ATP10B: variants seen among roughly 807,000 people sequenced by gnomAD.
ATP10B encodes the protein ATPase phospholipid transporting 10B (putative).
ATP10B carries 122 observed loss-of-function variants against 141.2 expected under a neutral mutation model. The ratio of observed to expected loss-of-function variants is 0.86; its 90% CI spans 0.75 to 1.00. The LOEUF is 1.00. ATP10B is among the 50% of genes least tolerant of loss of function. The pLI, the probability that ATP10B is intolerant of heterozygous loss-of-function variation, is 0.00. For missense variants in ATP10B, 1,876 were observed against 1,825.3 expected (o/e 1.03, Z -0.51); for synonymous variants, 685 against 692.0 (o/e 0.99, Z 0.16).
At chr5:160,678,590 GA>G (rs1763184218) in intron 6 of ATP10B, among the ~76,000 whole-genome samples, 1 of 152,194 alleles carries the variant, frequency 6.6e-6, no homozygotes, top group South Asian at 2.1e-4. Flanking sequence ...CCGGGAGGCA[GA>G]GGTTGCAGTG....
At chr5:160,844,053 A>T (rs1413674914) in intron 1 of ATP10B, among the ~76,000 whole-genome samples, 1 of 152,192 alleles carries the variant, frequency 6.6e-6, no homozygotes, top group Non-Finnish European at 1.5e-5. Context: ...ATAACTTCAA[A>T]TATTAAGGGT....
intron 3 of ATP10B, among the ~76,000 whole-genome samples, chr5:160,698,216 C>T (rs1197924415): frequency 6.6e-6 from 1 of 152,104 alleles, no homozygotes; most frequent in Non-Finnish European, 1.5e-5. Context: ...TACCCATTTC[C>T]GTGAATAGCA....
chr5:160,654,099 C>T (rs562188087), intron 7 of ATP10B, among the ~76,000 whole-genome samples: 2 of 145,706 alleles, frequency 1.4e-5, no homozygotes, highest in Middle Eastern at 4.0e-3. Flanking sequence ...GTTGTATATA[C>T]GTATATACAT....
In ATP10B at chr5:160,569,571, A is replaced by G. The variant is rs1754749144; in HGVS notation, c.3863T>C (p.Val1288Ala). The G allele has an allele frequency of 6.2e-7, 1 of 1,613,912 alleles. No individual in the cohort carries two copies. ...GGGGTTTGAGAGCTGGCCTTCCATC[A>G]CCCAATAGGGATTGGTGGGGCTGTT... ...ICNSPTNPYW[V>A]MEGQLSNPTF... Residue 1288 changes from valine to alanine, a missense_variant, in exon 25 of 26, where the codon GTG becomes GCG. Transcript: ENST00000327245.
intron 13 of ATP10B, among the ~76,000 whole-genome samples, chr5:160,628,506 A>C (rs1387085729): frequency 6.6e-6 from 1 of 152,208 alleles, no homozygotes; most frequent in East Asian, 1.9e-4. Flanking sequence ...CTTCCAAAGA[A>C]AGAAAGGCAG....
chr5:160,649,074 A>G, intron 8 of ATP10B, 97 bp downstream of exon 8: 1 of 769,600 alleles, frequency 1.3e-6, no homozygotes, highest in South Asian at 2.1e-5. Context: ...AAAATTCCTC[A>G]GGATGAAGAT....
intron 2 of ATP10B, among the ~76,000 whole-genome samples, chr5:160,738,152 A>G (rs546126510): frequency 6.6e-6 from 1 of 152,256 alleles, no homozygotes; most frequent in African/African-American, 2.4e-5. Flanking sequence ...GAAAGTCTTA[A>G]GTATTTGAAA....
At chr5:160,630,357 A>C (rs1758854219) in intron 13 of ATP10B, among the ~76,000 whole-genome samples, 1 of 152,156 alleles carries the variant, frequency 6.6e-6, no homozygotes, top group African/African-American at 2.4e-5. Context: ...TCCAAGATTT[A>C]CTGCCTGGAC....
intron 1 of ATP10B, among the ~76,000 whole-genome samples, chr5:160,841,109 C>T (rs1396387625): frequency 6.6e-6 from 1 of 152,082 alleles, no homozygotes; most frequent in Non-Finnish European, 1.5e-5. Context: ...CCTGAAGATA[C>T]ATATATATTT....
intron 2 of ATP10B, among the ~76,000 whole-genome samples, chr5:160,757,943 G>T (rs1239151568): frequency 6.6e-6 from 1 of 152,100 alleles, no homozygotes; most frequent in African/African-American, 2.4e-5. Context: ...CCCAAGTGTG[G>T]CAACCAAAAA....
intron 1 of ATP10B, among the ~76,000 whole-genome samples, chr5:160,829,210 T>TA (rs571100202): frequency 0.019 from 2,837 of 146,822 alleles, 90 homozygotes; most frequent in African/African-American, 0.063. Flanking sequence ...AGTATAATAA[T>TA]AAAAAAAAAA....
intron 5 of ATP10B, chr5:160,686,810 T>A (rs1295097974): frequency 1.0e-5 from 3 of 286,130 alleles, no homozygotes; most frequent in Non-Finnish European, 1.6e-5. Flanking sequence ...ATTTGCATGA[T>A]ATACAGCAGA....
chr5:160,819,665 A>G (rs926921393), intron 1 of ATP10B, among the ~76,000 whole-genome samples: 9 of 152,176 alleles, frequency 5.9e-5, no homozygotes, highest in Non-Finnish European at 1.3e-4. Context: ...AGAAACAAAA[A>G]GTTAAAAAGC....
chr5:160,665,813 G>A (rs1177021239), intron 7 of ATP10B, among the ~76,000 whole-genome samples: 1 of 152,184 alleles, frequency 6.6e-6, no homozygotes, highest in Admixed American at 6.5e-5. Flanking sequence ...GATGTTCCTA[G>A]TAATCTCTGT....
At chr5:160,922,980 G>T in the ATP10B span, among the ~76,000 whole-genome samples, 1 of 152,218 alleles carries the variant, frequency 6.6e-6, no homozygotes, top group Non-Finnish European at 1.5e-5. Flanking sequence ...TATTTTCAGA[G>T]GTAAGCACAA....
intron 2 of ATP10B, among the ~76,000 whole-genome samples, chr5:160,737,766 A>C (rs1228424745): frequency 2.0e-5 from 3 of 152,168 alleles, no homozygotes; most frequent in African/African-American, 7.2e-5. Context: ...TTAGGAAGAC[A>C]TAACAATCGT....
At chr5:160,766,994 TC>T (rs1769493969) in intron 2 of ATP10B, among the ~76,000 whole-genome samples, 2 of 151,740 alleles carry the variant, frequency 1.3e-5, no homozygotes, top group African/African-American at 4.8e-5. Flanking sequence ...AGTTCCAGGC[TC>T]CCAGGATCAT....
chr5:160,749,736 A>T (rs961497145), intron 2 of ATP10B, among the ~76,000 whole-genome samples: 1 of 152,200 alleles, frequency 6.6e-6, no homozygotes, highest in African/African-American at 2.4e-5. Flanking sequence ...CTAGAAGATG[A>T]TGAAGAGTTT....
At chr5:160,612,967 A>G (rs1233038978) in intron 17 of ATP10B, 42 bp from the exon 18 acceptor site, 3 of 1,567,486 alleles carry the variant, frequency 1.9e-6, no homozygotes, top group African/African-American at 1.4e-5. Context: ...TTATCGTAAA[A>G]GAGTAGTTGC....
Sources: allele counts gnomAD v4.1 joint callset (sites outside exome capture counted in the v4.1 genomes callset), GRCh38; gene constraint gnomAD v4.1.1; transcripts MANE v1.5; gene names NCBI Gene and HGNC (gene_info 2026-07-23, HGNC 2026-07-21).